Variants in MYH6 observed in about 807,000 individuals in gnomAD.
The protein encoded by MYH6 is myosin-6.
MYH6 carries 126 observed loss-of-function variants against 223.2 expected under a neutral mutation model. The observed-to-expected ratio is 0.56, with a 90% CI of 0.49 to 0.65. MYH6 has a LOEUF of 0.65. Ranked by LOEUF, MYH6 falls within the 30% of genes least tolerant of loss-of-function variation. MYH6 has a pLI of 0.00. For missense variants in MYH6, 2,040 were observed against 2,536.4 expected (o/e 0.80, Z 4.20); for synonymous variants, 978 against 1,010.2 (o/e 0.97, Z 0.61).
rs1261057832 is a variant in MYH6 at position 23,389,452 on chromosome 14, T to TC, written c.3918dup (p.Lys1307GlufsTer35). On this transcript the variant is annotated frameshift_variant, in exon 28 of 39. Transcript: ENST00000405093. LOFTEE classifies it high-confidence loss of function. Reference sequence around the variant, plus strand: ...TCCATTTGCTGGGTATAAGAGAGCTTCCCCCGGGTCAGCTGCGAGATTAGC... The same window carrying TC: ...TCCATTTGCTGGGTATAAGAGAGCTTCCCCCCGGGTCAGCTGCGAGATTAGC... 4 of 1,614,090 alleles carry TC rather than the reference T, an allele frequency of 2.5e-6. No homozygotes were observed. Among genetic ancestry groups the TC allele is most frequent in the Non-Finnish European group, 3.4e-6 (4 of 1,180,024 alleles).
At chr14:23,402,655 TCCTGGGGTC>T in intron 11 of MYH6, 33 bp downstream of exon 11, 2 of 1,613,252 alleles carry the variant, frequency 1.2e-6, no homozygotes, top group Non-Finnish European at 1.7e-6. Context: ...CCCCAGGAGC[TCCTGGGGTC>T]CCTCGAACGG....
chr14:23,383,264 T>C lies in MYH6; in HGVS notation c.5622A>G (p.Gln1874=), dbSNP rs747232886. 1 of 1,521,088 alleles carries C rather than the reference T, an allele frequency of 6.6e-7. No homozygotes were observed. Among genetic ancestry groups the C allele is most frequent in the South Asian group, 1.1e-5 (1 of 89,828 alleles). 94.2% of individuals were successfully genotyped at this position (1,521,088 alleles called of 1,614,324 possible). A position where few individuals can be genotyped will look rare whatever the true frequency, so the allele number is the denominator to read the frequency against. ...LRLQDLVDKL[Q]LKVKAYKRQA... ...GGCGCTTGTAGGCCTTGACCTTCAG[T>C]TGCAGCTTGTCCACCAGGTCCTGTA... is the stretch of plus-strand genomic sequence containing the variant. The change falls in exon 37 of 39, where the codon CAA becomes CAG. Residue 1874 remains glutamine (Q), a synonymous_variant. Transcript: ENST00000405093.
At chr14:23,399,321 T>C (rs1426414561) in intron 14 of MYH6, among the ~76,000 whole-genome samples, 3 of 152,118 alleles carry the variant, frequency 2.0e-5, no homozygotes, top group Non-Finnish European at 4.4e-5. Flanking sequence ...TTCTCTCTGA[T>C]GGCTCACTGC....
At chr14:23,403,833 C>T in intron 8 of MYH6, 55 bp from the exon 9 acceptor site, 1 of 1,471,590 alleles carries the variant, frequency 6.8e-7, no homozygotes, top group Non-Finnish European at 9.4e-7. Context: ...GAGTGAAATC[C>T]TGGCCCTCTG....
In MYH6 at chr14:23,389,711, C is replaced by T. The variant is rs752646656; in HGVS notation, c.3741G>A (p.Leu1247=). The T allele has an allele frequency of 5.0e-6, 8 of 1,614,098 alleles. No individual in the cohort carries two copies. The South Asian group carries it at 7.7e-5, about 16-fold the overall frequency. The change falls in exon 27 of 39, where the codon CTG becomes CTA. Residue 1247 remains leucine, a synonymous_variant. Coordinates refer to ENST00000405093, the MANE Select transcript of MYH6 (RefSeq NM_002471.4). ...CCTCCAGCGTCCGAGACACTTTCTC[C>T]AGGTTTGCCTTCAGGAAGCAAGACA... The part of the protein sequence containing the change: ...MEQIIKAKAN[L]EKVSRTLEDQ...
chr14:23,406,343 C>T (rs148364957), intron 3 of MYH6, among the ~76,000 whole-genome samples: 88 of 152,284 alleles, frequency 5.8e-4, no homozygotes, highest in African/African-American at 2.0e-3. Context: ...AAATCCGTGG[C>T]TCTAAATGAC....
In MYH6 at chr14:23,385,016, T is replaced by C. The variant is rs375346484; in HGVS notation, c.5189A>G (p.Lys1730Arg). 1 of 1,614,100 alleles carries C rather than the reference T, an allele frequency of 6.2e-7. No individual in the cohort carries two copies. The highest frequency in any genetic ancestry group is 8.5e-7 in the Non-Finnish European group (1 of 1,180,046). Reference protein sequence around the residue: ...SQNTSLINQKKKMESDLTQLQ... With the variant: ...SQNTSLINQKRKMESDLTQLQ... ...CTGGGTCAGATCCGACTCCATCTTC[T>C]TCTTCTGGTTGATGAGGCTGGTGTT... Residue 1730 changes from lysine to arginine, a missense_variant, in exon 35 of 39, where the codon AAG (lysine) becomes AGG (arginine). Transcript: ENST00000405093.
intron 7 of MYH6, 42 bp from the exon 8 acceptor site, chr14:23,404,430 C>T (rs1409520851): frequency 6.2e-7 from 1 of 1,608,642 alleles, no homozygotes; most frequent in South Asian, 1.1e-5. Flanking sequence ...CCTCCATCCA[C>T]CTCCAGGCAG....
chr14:23,407,489 T>C lies in MYH6; in HGVS notation c.-14+87A>G. 7.6e-7 allele frequency: 1 copy of C among 1,321,050 alleles called. No individual in the cohort carries two copies. The highest frequency in any genetic ancestry group is 3.0e-5 in the East Asian group (1 of 33,046). The allele number at this position is 1,321,050 out of a possible 1,614,324, so 81.8% of individuals were successfully genotyped here. ...TATGCTAAGGGTTGGCGCTGAGTGC[T>C]TGGGACAGCAGACCCCTGGTCCAGC... On this transcript the variant is annotated intron_variant, in intron 2 of 38. Transcript: ENST00000405093. The surrounding 1 kb of genome is among the most constrained non-coding windows in gnomAD (Gnocchi z 5.6).
At position 23,407,012 on chromosome 14, in the gene MYH6, G is replaced by T; in HGVS notation, c.201+11C>A. On this transcript the variant is annotated intron_variant, in intron 3 of 38. Coordinates refer to ENST00000405093, the MANE Select transcript of MYH6 (RefSeq NM_002471.4). This position sits in a 1 kb window ranked among gnomAD's most constrained non-coding sequence, Gnocchi z 5.6. ...TCCTTCCCTTCTGCCCCGGCGCCAT[G>T]CCCTACTCACCTTCCCATTCTCGGT... 6.2e-7 allele frequency: 1 copy of T among 1,613,492 alleles called. No homozygotes were observed.
intron 37 of MYH6, among the ~76,000 whole-genome samples, chr14:23,382,923 C>T (rs974567546): frequency 9.2e-5 from 14 of 152,204 alleles, no homozygotes; most frequent in Non-Finnish European, 1.8e-4. Context: ...AGCTGGGTCC[C>T]CTTCTAGGCC....
Position 23,407,232 on chromosome 14 carries a change from T to C in MYH6, c.-9A>G. ...ATCTGGGCATCGGTCATCTTGGTGC[T>C]TCCCCTGGGTCAGAGACAGGAGGGC... On this transcript the variant is annotated 5_prime_UTR_variant, in exon 3 of 39. Transcript: ENST00000405093. The surrounding 1 kb of genome is among the most constrained non-coding windows in gnomAD (Gnocchi z 5.6). 1 of 1,614,174 alleles carries C rather than the reference T, an allele frequency of 6.2e-7. No individual in the cohort carries two copies. Among genetic ancestry groups the C allele is most frequent in the Non-Finnish European group, 8.5e-7 (1 of 1,180,010 alleles).
At chr14:23,397,966 T>A (rs895738424) in intron 15 of MYH6, among the ~76,000 whole-genome samples, 143 of 127,022 alleles carry the variant, frequency 1.1e-3, no homozygotes, top group Non-Finnish European at 1.8e-3. Flanking sequence ...TTCTTCTTCT[T>A]CTTCTTCTTC....
chr14:23,404,103 G>A (rs894836552), intron 8 of MYH6, among the ~76,000 whole-genome samples, 193 bp downstream of exon 8: 2 of 152,264 alleles, frequency 1.3e-5, no homozygotes, highest in Non-Finnish European at 2.9e-5. Flanking sequence ...AGGGCTCAGA[G>A]AGGTGTAAGG....
intron 37 of MYH6, 142 bp downstream of exon 37, chr14:23,383,083 G>A: frequency 1.3e-6 from 1 of 785,952 alleles, no homozygotes; most frequent in Admixed American, 2.0e-5. Context: ...ACAGCTCTGA[G>A]CATACCAGAT....
chr14:23,389,917 G>T, intron 26 of MYH6, 140 bp downstream of exon 26: 2 of 1,551,898 alleles, frequency 1.3e-6, no homozygotes, highest in South Asian at 1.1e-5. Context: ...AGCCAGAGAG[G>T]GGCAGGGGAG....
chr14:23,391,673 C>T (rs538434118), intron 25 of MYH6, among the ~76,000 whole-genome samples: 13 of 152,320 alleles, frequency 8.5e-5, no homozygotes, highest in South Asian at 6.2e-4. Flanking sequence ...CCCCAGTAGC[C>T]GAGTTCCTGT....
At chr14:23,400,166 A>T in intron 14 of MYH6, 90 bp downstream of exon 14, 3 of 1,593,042 alleles carry the variant, frequency 1.9e-6, no homozygotes, top group Non-Finnish European at 2.6e-6. Context: ...GATTCTTGGG[A>T]CTCTAGTTTC....
Position 23,394,337 on chromosome 14 carries a change from G to A in MYH6, c.2430-14C>T, listed in dbSNP as rs190342289. The stretch of plus-strand genomic sequence containing the variant: ...AGCAGGGCATCCCTGGCAAGGAAAC[G>A]TGGAGGCAGGGTGGGGCACTATAAA... On this transcript the variant is annotated splice_polypyrimidine_tract_variant and intron_variant, in intron 20 of 38. Coordinates refer to ENST00000405093, the MANE Select transcript of MYH6 (RefSeq NM_002471.4). The A allele has an allele frequency of 4.2e-4, 685 of 1,614,126 alleles. 5 individuals are homozygous for A. Among genetic ancestry groups the A allele is most frequent in the African/African-American group, 3.0e-3 (227 of 75,056 alleles).
Sources: gnomAD v4.1 joint callset for allele counts (sites outside exome capture counted in the v4.1 genomes callset) on GRCh38, gnomAD v4.1.1 for gene constraint, Gnocchi (gnomAD v3.1) non-coding constraint, MANE v1.5 for transcripts, NCBI Gene and HGNC (gene_info 2026-07-23, HGNC 2026-07-21) for gene names.